The following ST6GALNAC3 variants were observed in gnomAD, a reference collection of about 807,000 sequenced individuals.
ST6GALNAC3 encodes the protein alpha-N-acetylgalactosaminide alpha-2,6-sialyltransferase 3.
A neutral mutation model predicts 32.7 loss-of-function variants in ST6GALNAC3; 25 were observed. The ratio of observed to expected loss-of-function variants is 0.76; its 90% CI spans 0.56 to 1.07. The LOEUF is 1.07. ST6GALNAC3 is among the 50% of genes least tolerant of loss of function. The pLI, the probability that ST6GALNAC3 is intolerant of heterozygous loss-of-function variation, is 0.00. For synonymous variants in ST6GALNAC3, 129 were observed against 133.1 expected (o/e 0.97, Z 0.21); for missense variants, 355 against 382.4 (o/e 0.93, Z 0.60).
intron 1 of ST6GALNAC3, among the ~76,000 whole-genome samples, chr1:76,111,437 TTTTCA>T (rs78467964): frequency 6.5e-5 from 9 of 137,956 alleles, no homozygotes; most frequent in African/African-American, 1.8e-4. Flanking sequence ...ACATTTTTTT[TTTTCA>T]TAATAAAATA....
At chr1:76,404,433 A>G (rs1302337457) in intron 2 of ST6GALNAC3, among the ~76,000 whole-genome samples, 1 of 151,788 alleles carries the variant, frequency 6.6e-6, no homozygotes, top group Non-Finnish European at 1.5e-5. Context: ...AGCTTGCTTA[A>G]TCATTCCTGA....
At chr1:76,187,154 G>A (rs1181023046) in intron 1 of ST6GALNAC3, among the ~76,000 whole-genome samples, 1 of 152,148 alleles carries the variant, frequency 6.6e-6, no homozygotes, top group Non-Finnish European at 1.5e-5. Context: ...ATGCTTTTCT[G>A]CAGAAAGCTG....
At chr1:76,389,864 A>G (rs1652397301) in intron 2 of ST6GALNAC3, among the ~76,000 whole-genome samples, 1 of 152,218 alleles carries the variant, frequency 6.6e-6, no homozygotes, top group Admixed American at 6.5e-5. Context: ...ACATCCTAAT[A>G]TATTTGTTTT....
At chr1:76,113,985 CG>C (rs1450852391) in intron 1 of ST6GALNAC3, among the ~76,000 whole-genome samples, 1 of 148,476 alleles carries the variant, frequency 6.7e-6, no homozygotes, top group African/African-American at 2.5e-5. Context: ...CCACCACGCC[CG>C]GCTAATTTTT....
intron 3 of ST6GALNAC3, among the ~76,000 whole-genome samples, chr1:76,513,486 T>A (rs1015440419): frequency 1.3e-5 from 2 of 152,194 alleles, no homozygotes; most frequent in East Asian, 3.9e-4. Flanking sequence ...TCCATTGATC[T>A]GTGTGTCTGC....
At chr1:76,557,388 G>T (rs1406369842) in intron 3 of ST6GALNAC3, among the ~76,000 whole-genome samples, 1 of 151,934 alleles carries the variant, frequency 6.6e-6, no homozygotes, top group Non-Finnish European at 1.5e-5. Flanking sequence ...TGAATTTTAG[G>T]ATTAACTCAT....
intron 1 of ST6GALNAC3, among the ~76,000 whole-genome samples, chr1:76,089,133 A>T (rs1253892228): frequency 6.6e-6 from 1 of 152,162 alleles, no homozygotes; most frequent in Non-Finnish European, 1.5e-5. Flanking sequence ...GGTTCACACC[A>T]TTCTCCTGCC....
chr1:76,542,771 G>T (rs558994350), intron 3 of ST6GALNAC3, among the ~76,000 whole-genome samples: 1 of 152,174 alleles, frequency 6.6e-6, no homozygotes, highest in Non-Finnish European at 1.5e-5. Flanking sequence ...GCTACCTCCT[G>T]TTTGCTCATT....
At position 76,228,620 on chromosome 1, in the gene ST6GALNAC3, G is replaced by A. The variant is rs534182148; in HGVS notation, c.19-85185G>A. On this transcript the variant is annotated intron_variant, in intron 1 of 4. Transcript: ENST00000328299. ...GGAAGCGGGTCTCAGAGCTCTAGAGGAACTATTATGCCAGTCTTACAAATT... is the reference window on the plus strand; with the variant it reads ...GGAAGCGGGTCTCAGAGCTCTAGAGAAACTATTATGCCAGTCTTACAAATT... 1.2e-4 allele frequency among the ~76,000 whole-genome samples: 18 copies of A among 152,228 alleles called. No individual in the cohort carries two copies. The South Asian group carries it at 3.7e-3, about 32-fold the overall frequency.
At chr1:76,285,940 C>T (rs3862901) in intron 1 of ST6GALNAC3, among the ~76,000 whole-genome samples, 71,363 of 150,828 alleles carry the variant, frequency 0.47, 17,200 homozygotes, top group African/African-American at 0.55. Flanking sequence ...ACCCGCCCCA[C>T]CAACATCCTG....
intron 1 of ST6GALNAC3, among the ~76,000 whole-genome samples, chr1:76,180,341 G>A (rs992377620): frequency 2.6e-5 from 4 of 152,238 alleles, no homozygotes; most frequent in South Asian, 2.1e-4. Context: ...TAGAACTAAC[G>A]TTTAATCTTC....
chr1:76,240,434 C>T (rs1224878295), intron 1 of ST6GALNAC3, among the ~76,000 whole-genome samples: 1 of 152,154 alleles, frequency 6.6e-6, no homozygotes, highest in Non-Finnish European at 1.5e-5. Context: ...TTCTCTTGTT[C>T]CCCTTTAGTC....
chr1:76,270,878 T>C (rs1658806185), intron 1 of ST6GALNAC3, among the ~76,000 whole-genome samples: 1 of 152,214 alleles, frequency 6.6e-6, no homozygotes, highest in African/African-American at 2.4e-5. Flanking sequence ...GGGCTGACCT[T>C]TTCTAGTCTT....
chr1:76,493,646 C>T (rs1372435717), intron 3 of ST6GALNAC3, among the ~76,000 whole-genome samples: 1 of 151,990 alleles, frequency 6.6e-6, no homozygotes, highest in East Asian at 1.9e-4. Flanking sequence ...ATGTTATCTC[C>T]CCAGAATAAA....
chr1:76,228,750 G>A (rs1656209801), intron 1 of ST6GALNAC3, among the ~76,000 whole-genome samples: 1 of 152,130 alleles, frequency 6.6e-6, no homozygotes, highest in South Asian at 2.1e-4. Flanking sequence ...AACATAAAGT[G>A]TGTAACCCCT....
chr1:76,209,600 G>A (rs762221408), intron 1 of ST6GALNAC3, among the ~76,000 whole-genome samples: 2 of 152,142 alleles, frequency 1.3e-5, no homozygotes, highest in African/African-American at 2.4e-5. Context: ...ATTTCTCCTC[G>A]GGAACTGAGA....
intron 1 of ST6GALNAC3, among the ~76,000 whole-genome samples, chr1:76,108,861 AGTGTGTGT>A (rs10528375): frequency 0.28 from 41,380 of 149,606 alleles, 6,202 homozygotes; most frequent in South Asian, 0.41. Flanking sequence ...CTGTAGACAT[AGTGTGTGT>A]GTGTGTGTGT....
intron 2 of ST6GALNAC3, among the ~76,000 whole-genome samples, chr1:76,375,167 A>G (rs1651123653): frequency 6.6e-6 from 1 of 152,200 alleles, no homozygotes; most frequent in African/African-American, 2.4e-5. Context: ...CATGTTATTT[A>G]TCAAAGTTTA....
intron 3 of ST6GALNAC3, among the ~76,000 whole-genome samples, chr1:76,462,243 A>C (rs1406431909): frequency 2.6e-5 from 4 of 152,132 alleles, no homozygotes; most frequent in Non-Finnish European, 5.9e-5. Flanking sequence ...GGTAAAAAAA[A>C]AAAATGTGTA....
Sources: allele counts gnomAD v4.1 joint callset (sites outside exome capture counted in the v4.1 genomes callset), GRCh38; gene constraint gnomAD v4.1.1; transcripts MANE v1.5; gene names NCBI Gene and HGNC (gene_info 2026-07-23, HGNC 2026-07-21).